Variants in GLMN observed in about 807,000 individuals in gnomAD.
GLMN encodes glomulin.
GLMN carries 75 observed loss-of-function variants against 87.8 expected under a neutral mutation model. That is an observed-to-expected ratio of 0.85 (90% CI 0.71 to 1.04). The LOEUF (loss-of-function observed/expected upper bound fraction) is 1.04. Among genes scored for constraint, GLMN ranks in the 50% least tolerant of loss-of-function variants. GLMN has a pLI of 0.00. For missense variants in GLMN, 588 were observed against 658.8 expected (o/e 0.89, Z 1.18); for synonymous variants, 206 against 221.6 (o/e 0.93, Z 0.63).
chr1:92,249,952 C>CT (rs1336945583), intron 16 of GLMN, among the ~76,000 whole-genome samples: 1 of 152,016 alleles, frequency 6.6e-6, no homozygotes, highest in Admixed American at 6.6e-5. Context: ...GCTTTTATTC[C>CT]TTTTTACGTC....
chr1:92,295,614 C>T (rs1455751529), intron 3 of GLMN, among the ~76,000 whole-genome samples: 8 of 152,134 alleles, frequency 5.3e-5, no homozygotes, highest in Non-Finnish European at 1.2e-4. Context: ...ATCAAGCAAT[C>T]CCCTGTATTC....
the GLMN span, among the ~76,000 whole-genome samples, chr1:92,368,927 C>CAGA: frequency 6.6e-6 from 1 of 152,166 alleles, no homozygotes; most frequent in South Asian, 2.1e-4. Flanking sequence ...TCTGTATTTT[C>CAGA]AGAAGTGAGG....
In GLMN at chr1:92,286,478, A is replaced by C; in HGVS notation, c.735+12T>G. ...ATTTAAGATTATAGCAGATTAAATT[A>C]GCTGTACTTACTATTATTTCTGATG... is the stretch of plus-strand genomic sequence containing the variant. On this transcript the variant is annotated intron_variant, in intron 7 of 18. Coordinates refer to ENST00000370360, the MANE Select transcript of GLMN (RefSeq NM_053274.3). 1 of 1,197,174 alleles carries C rather than the reference A, an allele frequency of 8.4e-7. No homozygotes were observed. The highest frequency in any genetic ancestry group is 1.3e-6 in the Non-Finnish European group (1 of 799,748). 74.2% of individuals were successfully genotyped at this position (1,197,174 alleles called of 1,614,324 possible). A position where few individuals can be genotyped will look rare whatever the true frequency, so the allele number is the denominator to read the frequency against.
chr1:92,256,153 AAAAAT>A (rs904566788), intron 16 of GLMN, among the ~76,000 whole-genome samples: 3 of 152,222 alleles, frequency 2.0e-5, no homozygotes, highest in African/African-American at 7.2e-5. Flanking sequence ...AATCTAGAAA[AAAAAT>A]GGATAAATTC....
chr1:92,338,287 C>T, the GLMN span, among the ~76,000 whole-genome samples: 2 of 152,166 alleles, frequency 1.3e-5, no homozygotes, highest in African/African-American at 4.8e-5. Context: ...GATTATTGAT[C>T]ACTCACAAGT....
the GLMN span, among the ~76,000 whole-genome samples, chr1:92,305,535 T>C: frequency 1.4e-5 from 2 of 146,146 alleles, no homozygotes; most frequent in African/African-American, 5.1e-5. Flanking sequence ...GAGAAACTGA[T>C]AAACATTTCT....
At chr1:92,253,211 C>T (rs1051704945) in intron 16 of GLMN, among the ~76,000 whole-genome samples, 1 of 151,790 alleles carries the variant, frequency 6.6e-6, no homozygotes, top group African/African-American at 2.4e-5. Flanking sequence ...AAAACTTAAG[C>T]TCTAGATTCC....
chr1:92,275,303 A>G (rs1647202576), intron 7 of GLMN, among the ~76,000 whole-genome samples: 1 of 152,166 alleles, frequency 6.6e-6, no homozygotes, highest in South Asian at 2.1e-4. Flanking sequence ...CTCAATTGTA[A>G]GATTCCATTC....
At chr1:92,259,117 T>C (rs890507151) in intron 16 of GLMN, among the ~76,000 whole-genome samples, 2 of 152,114 alleles carry the variant, frequency 1.3e-5, no homozygotes, top group African/African-American at 2.4e-5. Flanking sequence ...AATTACAAAC[T>C]TTTTAGAAAA....
At chr1:92,317,498 T>C in the GLMN span, among the ~76,000 whole-genome samples, 1 of 151,954 alleles carries the variant, frequency 6.6e-6, no homozygotes, top group Non-Finnish European at 1.5e-5. Flanking sequence ...ACAGTGAGAC[T>C]CTGTCTCAAA....
the GLMN span, among the ~76,000 whole-genome samples, chr1:92,320,288 T>C: frequency 4.6e-5 from 7 of 152,144 alleles, no homozygotes; most frequent in Non-Finnish European, 1.0e-4. Flanking sequence ...TCTTTTTTTT[T>C]CTTAAGATGG....
chr1:92,366,110 AT>A, the GLMN span, among the ~76,000 whole-genome samples: 1 of 152,186 alleles, frequency 6.6e-6, no homozygotes, highest in Admixed American at 6.5e-5. Flanking sequence ...TCTAGCTCCA[AT>A]TTAGAAAGTT....
chr1:92,307,067 TG>T, the GLMN span: 1 of 655,328 alleles, frequency 1.5e-6, no homozygotes, highest in Non-Finnish European at 2.5e-6. Context: ...TTACCTTGGG[TG>T]GTAGATCTGT....
the GLMN span, among the ~76,000 whole-genome samples, chr1:92,357,796 T>C: frequency 6.6e-6 from 1 of 152,238 alleles, no homozygotes; most frequent in Non-Finnish European, 1.5e-5. Flanking sequence ...CCTCCCAAAG[T>C]GTTGGGATTA....
At chr1:92,280,984 A>G (rs1647968485) in intron 7 of GLMN, among the ~76,000 whole-genome samples, 1 of 152,232 alleles carries the variant, frequency 6.6e-6, no homozygotes, top group Non-Finnish European at 1.5e-5. Flanking sequence ...GACCAAATCT[A>G]TGTTTGATTG....
chr1:92,300,112 A>G (rs1483615487), upstream of GLMN: 2 of 910,694 alleles, frequency 2.2e-6, no homozygotes, highest in Admixed American at 4.3e-5. Context: ...CAGTATTTTA[A>G]TCTTATGAGA....
chr1:92,358,794 C>T, the GLMN span, among the ~76,000 whole-genome samples: 5 of 152,264 alleles, frequency 3.3e-5, no homozygotes, highest in Admixed American at 3.3e-4. Flanking sequence ...CACTTTGTTG[C>T]CCAGGCTGGT....
At chr1:92,320,232 G>C in the GLMN span, among the ~76,000 whole-genome samples, 1 of 151,992 alleles carries the variant, frequency 6.6e-6, no homozygotes, top group Admixed American at 6.6e-5. Flanking sequence ...GACTAATCCA[G>C]ATTTCTTGTT....
At chr1:92,342,989 C>T in the GLMN span, among the ~76,000 whole-genome samples, 1 of 152,110 alleles carries the variant, frequency 6.6e-6, no homozygotes, top group Admixed American at 6.5e-5. Context: ...GGAGGAGGTC[C>T]AGACTAGAGC....
Sources: gnomAD v4.1 joint callset for allele counts (sites outside exome capture counted in the v4.1 genomes callset) on GRCh38, gnomAD v4.1.1 for gene constraint, MANE v1.5 for transcripts, NCBI Gene and HGNC (gene_info 2026-07-23, HGNC 2026-07-21) for gene names.